POLRMT: variants seen among roughly 807,000 people sequenced by gnomAD.
POLRMT encodes the protein DNA-directed RNA polymerase, mitochondrial.
Under a neutral mutation model 132.2 loss-of-function variants are expected in POLRMT, and 114 were observed. The ratio of observed to expected loss-of-function variants is 0.86; its 90% confidence interval spans 0.74 to 1.01. The LOEUF (loss-of-function observed/expected upper bound fraction) is 1.01. Ranked by LOEUF, POLRMT falls within the 50% of genes least tolerant of loss-of-function variation. POLRMT has a pLI of 0.00. For missense variants in POLRMT, 2,003 were observed against 1,729.1 expected, an observed-to-expected ratio of 1.16 and a Z score of -2.81; for synonymous variants, 1,020 against 773.4, an observed-to-expected ratio of 1.32 and a Z score of -5.29.
intron 8 of POLRMT, 22 bp downstream of exon 8, chr19:622,560 G>A (rs975812960): frequency 9.5e-6 from 15 of 1,582,872 alleles, no homozygotes; most frequent in African/African-American, 9.4e-5. Context: ...CCAGCCAGGA[G>A]GAGAGGGGGT....
chr19:618,267 C>T (rs1984172486), intron 17 of POLRMT: 1 of 569,264 alleles, frequency 1.8e-6, no homozygotes, highest in Non-Finnish European at 3.1e-6. Flanking sequence ...GGGCAGCGCC[C>T]ATGCTCGGCT....
At chr19:624,011 C>G (rs41544913) in intron 5 of POLRMT, among the ~76,000 whole-genome samples, 3,279 of 152,328 alleles carry the variant, frequency 0.022, 103 homozygotes, top group African/African-American at 0.074. Flanking sequence ...CAAAGACGCA[C>G]GTCCACATAA....
chr19:622,621 G>C lies in POLRMT; in HGVS notation c.1587C>G (p.His529Gln). 9 of 1,607,790 alleles carry C rather than the reference G, an allele frequency of 5.6e-6. No homozygotes were observed. The highest frequency in any genetic ancestry group is 1.1e-5 in the South Asian group (1 of 90,332). The change falls in exon 8 of 21, where the codon CAC becomes CAG. Residue 529 changes from histidine (H) to glutamine (Q), a missense_variant. Transcript: ENST00000588649. ...CCAGCAAGCAGAGGTACTTCCTGTA[G>C]TGGTTCTGCAGCGCCTGCACCTGGC... Reference protein sequence around the residue: ...VSGQVQALQNHYRKYLCLLAS... With the variant: ...VSGQVQALQNQYRKYLCLLAS...
Position 617,672 on chromosome 19 carries a change from G to C in POLRMT, c.3496-17C>G. 1 of 1,612,440 alleles carries C rather than the reference G, an allele frequency of 6.2e-7. No homozygotes were observed. Among genetic ancestry groups the C allele is most frequent in the South Asian group, 1.1e-5 (1 of 91,086 alleles). On this transcript the variant is annotated splice_polypyrimidine_tract_variant and intron_variant, in intron 18 of 20. Coordinates refer to ENST00000588649, the MANE Select transcript of POLRMT (RefSeq NM_005035.4). ...CCGGCACACCTGGGCAGGAGTCAGA[G>C]GATCCCCAGGGGTGATCAGGCAGGC... is the stretch of plus-strand genomic sequence containing the variant.
At chr19:626,898 C>CACACACACACACACACACACACATAT (rs371959370) in intron 3 of POLRMT, among the ~76,000 whole-genome samples, 1 of 146,736 alleles carries the variant, frequency 6.8e-6, no homozygotes, top group African/African-American at 2.5e-5. Flanking sequence ...CACACACACA[C>CACACACACACACACACACACACATAT]ATATATATAT....
chr19:618,208 C>T (rs1054477055), intron 17 of POLRMT: 10 of 550,808 alleles, frequency 1.8e-5, no homozygotes, highest in Non-Finnish European at 2.9e-5. Context: ...CCTCCACGTG[C>T]TCCAGATCTA....
intron 2 of POLRMT, among the ~76,000 whole-genome samples, chr19:631,338 A>AG (rs58594494): frequency 0.18 from 19,925 of 113,208 alleles, 2,266 homozygotes; most frequent in South Asian, 0.34. Context: ...AAAAAAAAAA[A>AG]GGGGGGGGGG....
chr19:618,958 A>C, intron 15 of POLRMT, 39 bp downstream of exon 15: 1 of 1,483,438 alleles, frequency 6.7e-7, no homozygotes, highest in Non-Finnish European at 9.2e-7. Context: ...TTACACTGGG[A>C]TGGTGGCACA....
rs41560520 is a variant in POLRMT, at chr19:623,695, C to A, written c.1141-92G>T. 238 of 1,452,528 alleles carry A rather than the reference C, an allele frequency of 1.6e-4. 1 individual carries two copies. The African/African-American group carries it at 3.2e-3, about 20-fold the overall frequency. The allele number at this position is 1,452,528 out of a possible 1,614,324, so 90.0% of individuals were successfully genotyped here. On this transcript the variant is annotated intron_variant, in intron 5 of 20. Transcript: ENST00000588649. The stretch of plus-strand genomic sequence containing the variant: ...GACAGCATGGGTGCACGCGTTTCTG[C>A]GTCTCCTGCAAGTTGCTGGTGGCTA...
chr19:621,879 C>T, intron 9 of POLRMT, 33 bp from the exon 10 acceptor site: 1 of 1,597,034 alleles, frequency 6.3e-7, no homozygotes, highest in Non-Finnish European at 8.5e-7. Context: ...GTCAGGGCCC[C>T]GGTGCTGGGG....
At chr19:625,372 C>G (rs1241598908) in intron 3 of POLRMT, 118 bp from the exon 4 acceptor site, 2 of 1,380,054 alleles carry the variant, frequency 1.4e-6, no homozygotes, top group African/African-American at 1.4e-5. Context: ...GGTCACCAGG[C>G]AGGAGTGGCC....
intron 1 of POLRMT, 46 bp downstream of exon 1, chr19:633,379 C>A: frequency 6.9e-7 from 1 of 1,457,432 alleles, no homozygotes. Flanking sequence ...GGGGAGGAGC[C>A]CACGCCGTGG....
At chr19:618,416 C>G in intron 17 of POLRMT, 72 bp downstream of exon 17, 1 of 1,235,788 alleles carries the variant, frequency 8.1e-7, no homozygotes, top group Non-Finnish European at 1.1e-6. Context: ...CCCAGCCTTG[C>G]CAGCTGTGCC....
rs746325023 is a variant in POLRMT at position 621,597 on chromosome 19, G to A, written c.2101C>T (p.Gln701Ter). ...ALHGALDALT[Q>*]LGNCAWRVNG... ...ACGCGCCAGGCGCAGTTGCCCAGTT[G>A]GGTGAGGGCGTCCAGTGCGCCATGC... The change falls in exon 10 of 21, where the codon CAA (glutamine) becomes TAA (stop). Residue 701 changes from glutamine to a stop codon, truncating the protein, a stop_gained. Transcript: ENST00000588649. LOFTEE classifies it high-confidence loss of function. 6.7e-6 allele frequency: 10 copies of A among 1,496,232 alleles called. No individual in the cohort carries two copies. Among genetic ancestry groups the A allele is most frequent in the Non-Finnish European group, 8.9e-6 (10 of 1,125,836 alleles). The allele number at this position is 1,496,232 out of a possible 1,614,324, so 92.7% of individuals were successfully genotyped here.
rs761411188 is a variant in POLRMT, at chr19:629,845, C to T, written c.517G>A (p.Gly173Arg). 41 of 1,605,252 alleles carry T rather than the reference C, an allele frequency of 2.6e-5. No individual in the cohort carries two copies. The highest frequency in any genetic ancestry group is 1.0e-4 in the Admixed American group (6 of 59,290). The stretch of plus-strand genomic sequence containing the variant: ...TGGCGCGTGCAGTCCTCCAGGCACC[C>T]GGCCATCTGCTTGCTCAGGAGCCGG... ...EPRLLSKQMA[G>R]CLEDCTRQAP... Residue 173 changes from glycine (G) to arginine (R), a missense_variant, in exon 3 of 21, where the codon GGG (glycine) becomes AGG (arginine). Physicochemically the swap from Gly to Arg is moderately radical, Grantham distance 125. Coordinates refer to ENST00000588649, the MANE Select transcript of POLRMT (RefSeq NM_005035.4).
intron 17 of POLRMT, chr19:618,278 C>G: frequency 1.7e-6 from 1 of 571,808 alleles, no homozygotes; most frequent in Admixed American, 3.1e-5. Flanking sequence ...ATGCTCGGCT[C>G]TCCCTGTCGG....
chr19:632,640 G>A (rs898053899), intron 2 of POLRMT, among the ~76,000 whole-genome samples, 194 bp downstream of exon 2: 1 of 152,180 alleles, frequency 6.6e-6, no homozygotes, highest in African/African-American at 2.4e-5. Flanking sequence ...AGAGCTCCAG[G>A]AAGGAGCCTG....
At chr19:617,706 C>G in intron 18 of POLRMT, 51 bp from the exon 19 acceptor site, 1 of 1,610,856 alleles carries the variant, frequency 6.2e-7, no homozygotes, top group Non-Finnish European at 8.5e-7. Flanking sequence ...GCTCTGGGCA[C>G]CACCCCTACC....
At position 622,141 on chromosome 19, in the gene POLRMT, C is replaced by A; in HGVS notation, c.1851+8G>T. 6.5e-7 allele frequency: 1 copy of A among 1,541,464 alleles called. No individual in the cohort carries two copies. Among genetic ancestry groups the A allele is most frequent in the Admixed American group, 1.9e-5 (1 of 52,882 alleles). On this transcript the variant is annotated splice_region_variant and intron_variant, in intron 9 of 20. Transcript: ENST00000588649. Reference sequence around the variant, plus strand: ...TGCCCCCCAGCTCAGGAGGGCACTGCCTGGCACCTGCTGGACGTTGCGGAA... The same window carrying A: ...TGCCCCCCAGCTCAGGAGGGCACTGACTGGCACCTGCTGGACGTTGCGGAA...
Sources: gnomAD v4.1 joint callset for allele counts (sites outside exome capture counted in the v4.1 genomes callset) on GRCh38, gnomAD v4.1.1 for gene constraint, MANE v1.5 for transcripts, NCBI Gene and HGNC (gene_info 2026-07-23, HGNC 2026-07-21) for gene names.